MECOM: variants seen among roughly 807,000 people sequenced by gnomAD.
The protein encoded by MECOM is MDS1 and EVI1 complex locus.
A neutral mutation model predicts 116.3 loss-of-function variants in MECOM; 13 were observed. That is an observed-to-expected ratio of 0.11 (90% CI 0.07 to 0.18). MECOM has a LOEUF of 0.18. Ranked by LOEUF, MECOM falls within the 10% of genes least tolerant of loss-of-function variation. The probability of loss-of-function intolerance (pLI) is 1.00; values close to 1 mark genes in which losing one functional copy is unlikely to be tolerated. For missense variants in MECOM, 1,299 were observed against 1,509.0 expected (o/e 0.86, Z 2.31); for synonymous variants, 528 against 535.2 (o/e 0.99, Z 0.19).
At chr3:169,594,878 G>GAAAAAAAAAAAA (rs11371795) in intron 1 of MECOM, among the ~76,000 whole-genome samples, 4 of 119,764 alleles carry the variant, frequency 3.3e-5, no homozygotes, top group Non-Finnish European at 5.0e-5. Flanking sequence ...GGATCTAACT[G>GAAAAAAAAAAAA]AAAAAAAAAA....
At chr3:169,527,001 G>C (rs750485180) in intron 1 of MECOM, among the ~76,000 whole-genome samples, 1 of 152,172 alleles carries the variant, frequency 6.6e-6, no homozygotes, top group Admixed American at 6.5e-5. Flanking sequence ...AAAAAGAGAC[G>C]AGTTTCGTAT....
At chr3:169,272,760 C>T (rs1759107046) in intron 2 of MECOM, among the ~76,000 whole-genome samples, 1 of 152,108 alleles carries the variant, frequency 6.6e-6, no homozygotes, top group Admixed American at 6.5e-5. Context: ...CATTCAGTTG[C>T]ACATACACTT....
chr3:169,167,270 G>A (rs892821388), intron 2 of MECOM, among the ~76,000 whole-genome samples: 1 of 152,140 alleles, frequency 6.6e-6, no homozygotes, highest in African/African-American at 2.4e-5. Context: ...TCCATTAGAT[G>A]GAAATTCCCA....
At chr3:169,399,441 G>A (rs897520692) in intron 1 of MECOM, among the ~76,000 whole-genome samples, 14 of 152,272 alleles carry the variant, frequency 9.2e-5, no homozygotes, top group Non-Finnish European at 1.6e-4. Context: ...AGTAAGTGAC[G>A]TGTCAACTTT....
At chr3:169,612,316 G>C (rs959559948) in intron 1 of MECOM, among the ~76,000 whole-genome samples, 6 of 152,180 alleles carry the variant, frequency 3.9e-5, no homozygotes, top group Non-Finnish European at 7.3e-5. Context: ...TGAAGTTCAA[G>C]AGATATCAGG....
At chr3:169,582,520 G>A (rs943319829) in intron 1 of MECOM, among the ~76,000 whole-genome samples, 2 of 152,140 alleles carry the variant, frequency 1.3e-5, no homozygotes, top group African/African-American at 2.4e-5. Flanking sequence ...CTACCATGTT[G>A]ACTTCAGTTT....
At chr3:169,531,958 G>A (rs143595535) in intron 1 of MECOM, among the ~76,000 whole-genome samples, 20 of 152,270 alleles carry the variant, frequency 1.3e-4, no homozygotes, top group African/African-American at 3.4e-4. Context: ...TAGCCACTCC[G>A]CTGGATGCAT....
chr3:169,243,735 G>A (rs774392927), intron 2 of MECOM, among the ~76,000 whole-genome samples: 38 of 152,210 alleles, frequency 2.5e-4, no homozygotes, highest in Non-Finnish European at 4.7e-4. Flanking sequence ...ATGGGCAGAG[G>A]GAGAACAGGA....
chr3:169,365,183 T>C (rs184190470), intron 2 of MECOM, among the ~76,000 whole-genome samples: 13 of 152,108 alleles, frequency 8.5e-5, no homozygotes, highest in Middle Eastern at 3.4e-3. Context: ...TTTTATCTTA[T>C]TTATTTGTTA....
chr3:169,231,026 A>G (rs1463651276), intron 2 of MECOM, among the ~76,000 whole-genome samples: 1 of 152,116 alleles, frequency 6.6e-6, no homozygotes, highest in Non-Finnish European at 1.5e-5. Context: ...TTCATTCATC[A>G]TAAGAAGCAT....
intron 14 of MECOM, among the ~76,000 whole-genome samples, chr3:169,092,308 G>T (rs1328620950): frequency 6.6e-6 from 1 of 151,842 alleles, no homozygotes; most frequent in African/African-American, 2.4e-5. Flanking sequence ...ACATAAAGTA[G>T]CAATAGAATC....
At chr3:169,648,943 A>C (rs1279343352) in intron 1 of MECOM, among the ~76,000 whole-genome samples, 1 of 152,232 alleles carries the variant, frequency 6.6e-6, no homozygotes, top group Non-Finnish European at 1.5e-5. Context: ...GATCCTTTAA[A>C]GAGAACTTGT....
At chr3:169,206,559 C>CTGACCA (rs1749940624) in intron 2 of MECOM, among the ~76,000 whole-genome samples, 1 of 151,872 alleles carries the variant, frequency 6.6e-6, no homozygotes, top group Non-Finnish European at 1.5e-5. Context: ...TGAGACCAGC[C>CTGACCA]TGACCAACAT....
chr3:169,580,176 T>G (rs990304826), intron 1 of MECOM, among the ~76,000 whole-genome samples: 1 of 152,210 alleles, frequency 6.6e-6, no homozygotes, highest in Non-Finnish European at 1.5e-5. Context: ...GAATGGACTT[T>G]AGAGAGAATA....
rs758083009 is a variant in MECOM, at chr3:169,083,892, A to T, written c.*1017T>A. ...TTGAATCGATTTCAGTATTACAAAA[A>T]CTAAGTTGCATCTATTCGTATTTAG... On this transcript the variant is annotated 3_prime_UTR_variant, in exon 17 of 17. Coordinates refer to ENST00000651503, the MANE Select transcript of MECOM (RefSeq NM_004991.4). The T allele has an allele frequency of 4.5e-6, 1 of 221,676 alleles. No homozygotes were observed. Among genetic ancestry groups the T allele is most frequent in the African/African-American group, 2.2e-5 (1 of 44,744 alleles). 13.7% of individuals were successfully genotyped at this position (221,676 alleles called of 1,614,324 possible).
chr3:169,115,473 T>C lies in MECOM; in HGVS notation c.2399A>G (p.Lys800Arg), dbSNP rs144584014. 7.4e-6 allele frequency: 12 copies of C among 1,614,048 alleles called. No homozygotes were observed. In the African/African-American group the frequency reaches 1.2e-4, roughly 16 times the overall value. ...EPRKNHVFGG[K>R]KGSNVESRPA... ...TCTTGATTCGACGTTGCTTCCTTTT[T>C]TTCCCCCAAACACGTGGTTTTTTCG... The change falls in exon 8 of 17, where the codon AAA (lysine) becomes AGA (arginine). Residue 800 changes from lysine to arginine, a missense_variant. Physicochemically the swap from Lys to Arg is conservative, Grantham distance 26. This residue lies in a region of MECOM where 340 missense variants were observed against 312.6 expected (regional missense o/e 1.09). Transcript: ENST00000651503.
intron 2 of MECOM, among the ~76,000 whole-genome samples, chr3:169,201,162 A>G (rs1381766505): frequency 1.3e-5 from 2 of 152,124 alleles, no homozygotes; most frequent in Non-Finnish European, 2.9e-5. Flanking sequence ...TGTTTACTTA[A>G]TGCACTTTGC....
intron 1 of MECOM, among the ~76,000 whole-genome samples, chr3:169,655,434 T>C (rs185161900): frequency 6.6e-6 from 1 of 152,290 alleles, no homozygotes; most frequent in African/African-American, 2.4e-5. Context: ...CAAATTTTCA[T>C]TCAGGAGGGA....
chr3:169,571,311 A>G (rs1257285050), intron 1 of MECOM, among the ~76,000 whole-genome samples: 1 of 150,914 alleles, frequency 6.6e-6, no homozygotes, highest in Admixed American at 6.7e-5. Flanking sequence ...TTCAAGGAGA[A>G]CTAAAAACCA....
Sources: allele counts gnomAD v4.1 joint callset (sites outside exome capture counted in the v4.1 genomes callset), GRCh38; gene constraint gnomAD v4.1.1; regional missense constraint gnomAD v4.1.1; transcripts MANE v1.5; gene names NCBI Gene and HGNC (gene_info 2026-07-23, HGNC 2026-07-21).